ONECUT1: variants seen among roughly 807,000 people sequenced by gnomAD.
ONECUT1 encodes the protein hepatocyte nuclear factor 6.
In ONECUT1, 12 loss-of-function variants were observed where a neutral mutation model predicts 25.6. The observed-to-expected ratio is 0.47, with a 90% CI of 0.30 to 0.76. The LOEUF is 0.76. Among genes scored for constraint, ONECUT1 ranks in the 30% least tolerant of loss-of-function variants. The pLI is 0.07. For synonymous variants in ONECUT1, 285 were observed against 270.2 expected, an observed-to-expected ratio of 1.05 and a Z score of -0.54; for missense variants, 620 against 651.2, an observed-to-expected ratio of 0.95 and a Z score of 0.52.
intron 1 of ONECUT1, among the ~76,000 whole-genome samples, chr15:52,758,507 C>T (rs908422808): frequency 6.6e-6 from 1 of 152,082 alleles, no homozygotes; most frequent in African/African-American, 2.4e-5. Flanking sequence ...TCTAGTGGAA[C>T]CGGGAACTGT....
chr15:52,774,508 T>C (rs1463148671), intron 1 of ONECUT1, among the ~76,000 whole-genome samples: 1 of 152,066 alleles, frequency 6.6e-6, no homozygotes, highest in Non-Finnish European at 1.5e-5. Context: ...CCATGTTGCT[T>C]AGGCTGGTCT....
intron 1 of ONECUT1, among the ~76,000 whole-genome samples, chr15:52,763,085 A>C (rs2083715017): frequency 6.6e-6 from 1 of 152,228 alleles, no homozygotes; most frequent in African/African-American, 2.4e-5. Flanking sequence ...ATGTAGGGGT[A>C]CAGTTTCCAT....
rs200793681 is a variant in ONECUT1, at chr15:52,788,979, G to A, written c.906C>T (p.Thr302=). ...GGATGCTGTAGCGCTTGAGCTCGGT[G>A]GTGATACGCTGCGCCACCTCTTTGG... ...INTKEVAQRI[T]TELKRYSIPQ... The change falls in exon 1 of 2, where the codon ACC becomes ACT. Residue 302 remains threonine (T), a synonymous_variant. Coordinates refer to ENST00000305901, the MANE Select transcript of ONECUT1 (RefSeq NM_004498.4). The surrounding 1 kb of genome is among the most constrained non-coding windows in gnomAD (Gnocchi z 4.3). The A allele has an allele frequency of 5.0e-6, 8 of 1,612,598 alleles. No homozygotes were observed. Among genetic ancestry groups the A allele is most frequent in the East Asian group, 2.2e-5 (1 of 44,886 alleles).
Position 52,789,376 on chromosome 15 carries a change from T to C in ONECUT1, c.509A>G (p.Lys170Arg). ...GCTCTGGCCCATGCCGGCCACGTCC[T>C]TGTGGTAGGGGGTATAGAGGTTATT... ...SMNNLYTPYH[K>R]DVAGMGQSLS... The change falls in exon 1 of 2, where the codon AAG becomes AGG. Residue 170 changes from lysine to arginine, a missense_variant. Transcript: ENST00000305901. The surrounding 1 kb of genome is among the most constrained non-coding windows in gnomAD (Gnocchi z 4.1). 6.2e-7 allele frequency: 1 copy of C among 1,611,084 alleles called. No homozygotes were observed. The highest frequency in any genetic ancestry group is 8.5e-7 in the Non-Finnish European group (1 of 1,178,144).
intron 1 of ONECUT1, among the ~76,000 whole-genome samples, chr15:52,769,267 C>G (rs2083752307): frequency 6.6e-6 from 1 of 152,186 alleles, no homozygotes. Context: ...CTCACACAGT[C>G]TGTAATACTA....
In ONECUT1 at chr15:52,769,424, T is replaced by C. The variant is rs2083753270; in HGVS notation, c.1106-11577A>G. ...AGAATGAAGTTCCATGAGATAGCCTTAATCCCTTTACTGGATAGTGATTTT... is the reference window on the plus strand; with the variant it reads ...AGAATGAAGTTCCATGAGATAGCCTCAATCCCTTTACTGGATAGTGATTTT... On this transcript the variant is annotated intron_variant, in intron 1 of 1. Coordinates refer to ENST00000305901, the MANE Select transcript of ONECUT1 (RefSeq NM_004498.4). 3.3e-5 allele frequency among the ~76,000 whole-genome samples: 5 copies of C among 152,364 alleles called. No individual in the cohort carries two copies. The East Asian group carries it at 9.6e-4, about 29-fold the overall frequency.
chr15:52,768,159 A>G (rs991709814), intron 1 of ONECUT1, among the ~76,000 whole-genome samples: 1 of 152,208 alleles, frequency 6.6e-6, no homozygotes, highest in African/African-American at 2.4e-5. Flanking sequence ...ATTATAATTT[A>G]TTGTATATTT....
At chr15:52,780,812 T>C (rs1596055375) in intron 1 of ONECUT1, 1 of 1,368,484 alleles carries the variant, frequency 7.3e-7, no homozygotes, top group Non-Finnish European at 9.4e-7. Flanking sequence ...ATAACCTCTC[T>C]TTGGGACTAT....
intron 1 of ONECUT1, among the ~76,000 whole-genome samples, chr15:52,758,438 A>G (rs2083686812): frequency 1.3e-5 from 2 of 152,152 alleles, no homozygotes; most frequent in African/African-American, 4.8e-5. Flanking sequence ...ATCTGTATAT[A>G]AGAAAGTTAA....
At chr15:52,766,628 G>T (rs1288728088) in intron 1 of ONECUT1, among the ~76,000 whole-genome samples, 1 of 152,196 alleles carries the variant, frequency 6.6e-6, no homozygotes, top group Non-Finnish European at 1.5e-5. Flanking sequence ...CCTGGGAAAG[G>T]GACTGGAGTA....
At position 52,789,013 on chromosome 15, in the gene ONECUT1, T is replaced by C. The variant is rs1165494684; in HGVS notation, c.872A>G (p.Glu291Gly). ...SNGSNSGQME[E>G]INTKEVAQRI... ...CTGCGCCACCTCTTTGGTATTGATC[T>C]CTTCCATCTGCCCTGAATTACTTCC... Residue 291 changes from glutamate (E) to glycine (G), a missense_variant, in exon 1 of 2, where the codon GAG becomes GGG. By Grantham distance (98) the Glu-to-Gly change is moderately conservative. Transcript: ENST00000305901. The surrounding 1 kb of genome is among the most constrained non-coding windows in gnomAD (Gnocchi z 4.1). The C allele has an allele frequency of 1.2e-6, 2 of 1,608,824 alleles. No individual in the cohort carries two copies. Among genetic ancestry groups the C allele is most frequent in the African/African-American group, 1.3e-5 (1 of 74,932 alleles).
In ONECUT1 at chr15:52,789,417, G is replaced by A. The variant is rs772570071; in HGVS notation, c.468C>T (p.Arg156=). ...SGSFTLMRDE[R]GLASMNNLYT... is the part of the protein sequence containing the mutation. Reference sequence around the variant, plus strand: ...AGAGGTTATTCATGGAGGCCAGCCCGCGCTCATCCCGCATGAGCGTGAAGC... The same window carrying A: ...AGAGGTTATTCATGGAGGCCAGCCCACGCTCATCCCGCATGAGCGTGAAGC... Residue 156 remains arginine, a synonymous_variant, in exon 1 of 2, where the codon CGC becomes CGT. Coordinates refer to ENST00000305901, the MANE Select transcript of ONECUT1 (RefSeq NM_004498.4). The surrounding 1 kb of genome is among the most constrained non-coding windows in gnomAD (Gnocchi z 4.1). 3 of 1,613,792 alleles carry A rather than the reference G, an allele frequency of 1.9e-6. No individual in the cohort carries two copies. The highest frequency in any genetic ancestry group is 1.7e-5 in the Admixed American group (1 of 59,966).
Position 52,788,612 on chromosome 15 carries a change from G to T in ONECUT1, c.1105+168C>A. 3 of 702,934 alleles carry T rather than the reference G, an allele frequency of 4.3e-6. No homozygotes were observed. The highest frequency in any genetic ancestry group is 4.6e-6 in the Non-Finnish European group (2 of 434,490). 43.5% of individuals were successfully genotyped at this position (702,934 alleles called of 1,614,324 possible). A position where few individuals can be genotyped will look rare whatever the true frequency, so the allele number is the denominator to read the frequency against. ...CCCTGAGCCCTGGAGTAGGCAATTT[G>T]CTCCCACAGCCCTGTGCTGGCCCTT... On this transcript the variant is annotated intron_variant, in intron 1 of 1. Transcript: ENST00000305901. The surrounding 1 kb of genome is among the most constrained non-coding windows in gnomAD (Gnocchi z 4.3).
At chr15:52,787,646 G>C (rs1200323536) in intron 1 of ONECUT1, 1 of 150,306 alleles carries the variant, frequency 6.7e-6, no homozygotes, top group Non-Finnish European at 1.5e-5. Context: ...TGGGGGAGTG[G>C]GGGGGGAGGG....
intron 1 of ONECUT1, among the ~76,000 whole-genome samples, chr15:52,776,567 A>C (rs1364651533): frequency 6.6e-6 from 1 of 152,212 alleles, no homozygotes; most frequent in Non-Finnish European, 1.5e-5. Flanking sequence ...TGACCATTTC[A>C]TTCCACAACA....
At chr15:52,774,142 C>T (rs1291838820) in intron 1 of ONECUT1, among the ~76,000 whole-genome samples, 3 of 151,820 alleles carry the variant, frequency 2.0e-5, no homozygotes, top group Middle Eastern at 3.4e-3. Flanking sequence ...CACACACACA[C>T]ACACACACAC....
intron 1 of ONECUT1, among the ~76,000 whole-genome samples, chr15:52,760,278 C>T (rs1234647141): frequency 6.6e-6 from 1 of 152,122 alleles, no homozygotes; most frequent in African/African-American, 2.4e-5. Context: ...TTCTTCCTCC[C>T]AGAGGCCTAC....
chr15:52,758,146 A>G (rs1212697401), intron 1 of ONECUT1, among the ~76,000 whole-genome samples: 1 of 152,192 alleles, frequency 6.6e-6, no homozygotes, highest in Non-Finnish European at 1.5e-5. Flanking sequence ...GTAGAATGTA[A>G]GTTTCTGGCT....
intron 1 of ONECUT1, among the ~76,000 whole-genome samples, chr15:52,774,690 G>A (rs2083788932): frequency 6.6e-6 from 1 of 152,030 alleles, no homozygotes; most frequent in South Asian, 2.1e-4. Flanking sequence ...TCAAACAAAT[G>A]TTAAAAAAAA....
Sources: gnomAD v4.1 joint callset for allele counts (sites outside exome capture counted in the v4.1 genomes callset) on GRCh38, gnomAD v4.1.1 for gene constraint, Gnocchi (gnomAD v3.1) non-coding constraint, MANE v1.5 for transcripts, NCBI Gene and HGNC (gene_info 2026-07-23, HGNC 2026-07-21) for gene names.